Variants in RBFOX1 observed in about 807,000 individuals in gnomAD.
The protein encoded by RBFOX1 is RNA binding protein fox-1 homolog 1.
In RBFOX1, 8 loss-of-function variants were observed where a neutral mutation model predicts 57.7. The observed-to-expected ratio is 0.14, with a 90% confidence interval of 0.08 to 0.25. The LOEUF (loss-of-function observed/expected upper bound fraction) is 0.25. Among genes scored for constraint, RBFOX1 ranks in the 10% least tolerant of loss-of-function variants. RBFOX1 has a pLI of 1.00. For synonymous variants in RBFOX1, 326 were observed against 222.4 expected (o/e 1.47, Z -4.15); for missense variants, 611 against 548.5 (o/e 1.11, Z -1.14).
chr16:7,019,034 A>G (rs2094067455), intron 3 of RBFOX1, among the ~76,000 whole-genome samples: 2 of 152,062 alleles, frequency 1.3e-5, no homozygotes, highest in Admixed American at 1.3e-4. Context: ...GAACTGAAAA[A>G]AACTGTTCCT....
intron 3 of RBFOX1, among the ~76,000 whole-genome samples, chr16:5,765,005 G>A (rs540581428): frequency 2.6e-5 from 4 of 152,204 alleles, no homozygotes; most frequent in South Asian, 2.1e-4. Context: ...ACCAAGTCTC[G>A]CAGGGTACCT....
At chr16:6,575,082 C>T (rs994758991) in intron 2 of RBFOX1, among the ~76,000 whole-genome samples, 3 of 150,654 alleles carry the variant, frequency 2.0e-5, no homozygotes, top group Non-Finnish European at 2.9e-5. Context: ...GGAATGCTAT[C>T]GTGTAGTTGC....
intron 3 of RBFOX1, among the ~76,000 whole-genome samples, chr16:6,804,400 C>T (rs1265727640): frequency 6.6e-6 from 1 of 152,112 alleles, no homozygotes; most frequent in African/African-American, 2.4e-5. Flanking sequence ...CCCCATCTAG[C>T]CCTGCAGTAT....
chr16:6,989,877 T>C (rs930819184), intron 3 of RBFOX1, among the ~76,000 whole-genome samples: 4 of 151,970 alleles, frequency 2.6e-5, no homozygotes, highest in Non-Finnish European at 1.5e-5. Context: ...ATGGGCACCG[T>C]ATAATCCCAG....
chr16:6,791,735 TG>T (rs988961543), intron 3 of RBFOX1, among the ~76,000 whole-genome samples: 50 of 152,180 alleles, frequency 3.3e-4, no homozygotes, highest in African/African-American at 1.0e-3. Flanking sequence ...CACTGCAGCC[TG>T]GGGGAAAGAG....
At chr16:5,692,484 G>C (rs2050718585) in intron 3 of RBFOX1, among the ~76,000 whole-genome samples, 1 of 152,140 alleles carries the variant, frequency 6.6e-6, no homozygotes, top group South Asian at 2.1e-4. Flanking sequence ...CAGCTCCAAA[G>C]AGCGCCTGAG....
intron 3 of RBFOX1, among the ~76,000 whole-genome samples, chr16:5,850,387 C>G (rs1334817477): frequency 6.6e-6 from 1 of 152,082 alleles, no homozygotes; most frequent in Non-Finnish European, 1.5e-5. Flanking sequence ...TCCTTCGAAC[C>G]AGTAACTCCA....
chr16:6,987,217 A>T (rs946521093), intron 3 of RBFOX1, among the ~76,000 whole-genome samples: 11 of 152,174 alleles, frequency 7.2e-5, no homozygotes, highest in African/African-American at 2.7e-4. Flanking sequence ...AATAACAAGA[A>T]TGAAAACTTT....
At chr16:7,349,621 T>C (rs1215193083) in intron 4 of RBFOX1, among the ~76,000 whole-genome samples, 2 of 152,080 alleles carry the variant, frequency 1.3e-5, no homozygotes, top group Non-Finnish European at 2.9e-5. Context: ...GATGGCGACA[T>C]ACCACATCCG....
intron 3 of RBFOX1, among the ~76,000 whole-genome samples, chr16:6,805,343 A>G (rs138518351): frequency 7.9e-4 from 120 of 152,338 alleles, no homozygotes; most frequent in African/African-American, 2.6e-3. Flanking sequence ...AGTGATTTGA[A>G]CACATGGACA....
At chr16:7,018,437 G>A (rs2094025289) in intron 3 of RBFOX1, among the ~76,000 whole-genome samples, 2 of 152,092 alleles carry the variant, frequency 1.3e-5, no homozygotes, top group Non-Finnish European at 1.5e-5. Context: ...TGTCTTAATT[G>A]CTCCTGTTTT....
intron 4 of RBFOX1, among the ~76,000 whole-genome samples, chr16:7,302,660 C>G (rs2096062117): frequency 6.6e-6 from 1 of 150,508 alleles, no homozygotes; most frequent in Admixed American, 6.6e-5. Flanking sequence ...AAAATCCAAT[C>G]ACTGGGTCAA....
In RBFOX1 at chr16:7,245,842, C is replaced by T. The variant is rs1375311886; in HGVS notation, c.27+193744C>T. ...CACTCATGCAACTCTTCACAAATTA[C>T]CAATTACTTTCCCCTTTGCGTTTAT... On this transcript the variant is annotated intron_variant, in intron 4 of 15. Transcript: ENST00000550418. Among the ~76,000 whole-genome samples the T allele has an allele frequency of 2.6e-5, 4 of 152,280 alleles. No individual in the cohort carries two copies. In the East Asian group the frequency reaches 5.8e-4, roughly 22 times the overall value.
At chr16:7,245,169 G>T (rs1404349764) in intron 4 of RBFOX1, among the ~76,000 whole-genome samples, 2 of 152,114 alleles carry the variant, frequency 1.3e-5, no homozygotes, top group Non-Finnish European at 2.9e-5. Flanking sequence ...GGTCTTACAT[G>T]TCTCTCTAGA....
chr16:7,212,324 C>T (rs1476087918), intron 4 of RBFOX1, among the ~76,000 whole-genome samples: 1 of 152,150 alleles, frequency 6.6e-6, no homozygotes. Context: ...GGGATGGTTC[C>T]CTACCCTCAG....
At chr16:5,378,765 T>C (rs910295631) in intron 1 of RBFOX1, among the ~76,000 whole-genome samples, 3 of 151,612 alleles carry the variant, frequency 2.0e-5, no homozygotes, top group Non-Finnish European at 2.9e-5. Flanking sequence ...AAATGGGAGA[T>C]AATGCTAATG....
intron 2 of RBFOX1, among the ~76,000 whole-genome samples, chr16:5,489,371 C>T (rs2042751088): frequency 6.6e-6 from 1 of 152,222 alleles, no homozygotes; most frequent in Non-Finnish European, 1.5e-5. Context: ...CAGGGCTCAC[C>T]TCAAAGGGCT....
intron 2 of RBFOX1, among the ~76,000 whole-genome samples, chr16:6,580,434 A>G (rs751239507): frequency 6.6e-6 from 1 of 152,228 alleles, no homozygotes; most frequent in Admixed American, 6.5e-5. Context: ...CTAGTTGATC[A>G]TTAAGCTACA....
intron 1 of RBFOX1, among the ~76,000 whole-genome samples, chr16:6,045,350 G>T (rs1372720546): frequency 6.6e-6 from 1 of 152,178 alleles, no homozygotes; most frequent in African/African-American, 2.4e-5. Context: ...TTTGAATCAT[G>T]ACTCCGAGAG....
Sources: allele counts gnomAD v4.1 joint callset (sites outside exome capture counted in the v4.1 genomes callset), GRCh38; gene constraint gnomAD v4.1.1; transcripts MANE v1.5; gene names NCBI Gene and HGNC (gene_info 2026-07-23, HGNC 2026-07-21).